WDR97: variants seen among roughly 807,000 people sequenced by gnomAD.
WDR97 encodes WD repeat domain 97.
Under a neutral mutation model 65.4 loss-of-function variants are expected in WDR97, and 111 were observed. The observed-to-expected ratio is 1.70, with a 90% CI of 1.45 to 1.99. WDR97 has a LOEUF of 1.99. WDR97 is among the 30% of genes most tolerant of loss of function. The pLI is 0.00. For synonymous variants in WDR97, 802 were observed against 397.7 expected, an observed-to-expected ratio of 2.02 and a Z score of -12.10; for missense variants, 1,674 against 865.0, an observed-to-expected ratio of 1.94 and a Z score of -11.73.
In WDR97 at chr8:144,116,719, C is replaced by T. The variant is rs1339535914; in HGVS notation, c.*426C>T. Reference sequence around the variant, plus strand: ...CGGTCCCAGGATGAGCCTTCCGGGTCGATGCAGGTGAGACCAGGAGTTTGC... The same window carrying T: ...CGGTCCCAGGATGAGCCTTCCGGGTTGATGCAGGTGAGACCAGGAGTTTGC... On this transcript the variant is annotated 3_prime_UTR_variant, in exon 24 of 24. Transcript: ENST00000323662. 2.4e-5 allele frequency: 4 copies of T among 164,636 alleles called. No homozygotes were observed. The highest frequency in any genetic ancestry group is 5.2e-5 in the Non-Finnish European group (4 of 76,936). 10.2% of individuals were successfully genotyped at this position (164,636 alleles called of 1,614,324 possible). A position where few individuals can be genotyped will look rare whatever the true frequency, so the allele number is the denominator to read the frequency against.
chr8:144,107,897 G>A (rs1050919405), intron 1 of WDR97, 35 bp downstream of exon 1: 7 of 702,668 alleles, frequency 1.0e-5, no homozygotes, highest in African/African-American at 3.5e-5. Flanking sequence ...CGGGCATCCC[G>A]CTAGGAAGTG....
rs754825856 is a variant in WDR97, at chr8:144,111,997, G to C, written c.2748G>C (p.Arg916=). The change falls in exon 13 of 24, where the codon CGG becomes CGC. Residue 916 remains arginine, a synonymous_variant. Coordinates refer to ENST00000323662, the MANE Select transcript of WDR97 (RefSeq NM_001316309.2). The part of the protein sequence containing the change: ...AVPQAAHCLA[R]AEVSTAAQTV... ...CCCAAGCTGCCCACTGTCTTGCCCG[G>C]GCTGAGGTCAGCACTGCAGCCCAAA... is the stretch of plus-strand genomic sequence containing the variant. The C allele has an allele frequency of 1.4e-6, 1 of 702,614 alleles. No individual in the cohort carries two copies. The highest frequency in any genetic ancestry group is 1.7e-5 in the African/African-American group (1 of 57,330). The allele number at this position is 702,614 out of a possible 1,614,324, so 43.5% of individuals were successfully genotyped here. A position where few individuals can be genotyped will look rare whatever the true frequency, so the allele number is the denominator to read the frequency against.
At position 144,112,253 on chromosome 8, in the gene WDR97, C is replaced by T. The variant is rs1276060339; in HGVS notation, c.2925C>T (p.Tyr975=). 2 of 702,706 alleles carry T rather than the reference C, an allele frequency of 2.8e-6. No individual in the cohort carries two copies. The highest frequency in any genetic ancestry group is 2.0e-5 in the Admixed American group (1 of 49,992). The allele number at this position is 702,706 out of a possible 1,614,324, so 43.5% of individuals were successfully genotyped here. A position where few individuals can be genotyped will look rare whatever the true frequency, so the allele number is the denominator to read the frequency against. ...QLLARSSLSH[Y]LGISLDLQLQ... Reference sequence around the variant, plus strand: ...TGGCCCGCTCCTCACTGAGCCACTACCTGGGCATCAGTCTGGATCTGCAGC... The same window carrying T: ...TGGCCCGCTCCTCACTGAGCCACTATCTGGGCATCAGTCTGGATCTGCAGC... The change falls in exon 14 of 24, where the codon TAC becomes TAT. Residue 975 remains tyrosine, a synonymous_variant. Transcript: ENST00000323662.
Sources: gnomAD v4.1 joint callset for allele counts on GRCh38, gnomAD v4.1.1 for gene constraint, MANE v1.5 for transcripts, NCBI Gene and HGNC (gene_info 2026-07-23, HGNC 2026-07-21) for gene names.